The following FBN2 variants were observed in gnomAD, a reference collection of about 807,000 sequenced individuals.
The protein encoded by FBN2 is fibrillin 2.
A neutral mutation model predicts 355.6 loss-of-function variants in FBN2; 105 were observed. The observed-to-expected ratio is 0.30, with a 90% CI of 0.25 to 0.35. The LOEUF is 0.35. FBN2 is among the 10% of genes least tolerant of loss of function. The pLI, the probability that FBN2 is intolerant of heterozygous loss-of-function variation, is 1.00. For synonymous variants in FBN2, 1,350 were observed against 1,301.2 expected (o/e 1.04, Z -0.81); for missense variants, 3,280 against 3,758.7 (o/e 0.87, Z 3.33).
intron 8 of FBN2, among the ~76,000 whole-genome samples, chr5:128,398,743 G>A (rs1295969267): frequency 6.6e-6 from 1 of 152,178 alleles, no homozygotes; most frequent in African/African-American, 2.4e-5. Flanking sequence ...ATCTCATCGT[G>A]AATTCCCACA....
At chr5:128,440,957 G>C (rs1434754348) in intron 7 of FBN2, among the ~76,000 whole-genome samples, 1 of 152,150 alleles carries the variant, frequency 6.6e-6, no homozygotes. Flanking sequence ...TGCTTAAATT[G>C]GTCAATCTGG....
In FBN2 at chr5:128,532,043, G is replaced by A. The variant is rs189552860; in HGVS notation, c.338-1350C>T. Among the ~76,000 whole-genome samples, 191 of 152,262 alleles carry A rather than the reference G, an allele frequency of 1.3e-3. 1 individual carries two copies. Among genetic ancestry groups the A allele is most frequent in the Non-Finnish European group, 1.9e-3 (128 of 68,018 alleles). On this transcript the variant is annotated intron_variant, in intron 2 of 64. Transcript: ENST00000262464. The stretch of plus-strand genomic sequence containing the variant: ...AGAAAATACAGCCCACTATGCAAAA[G>A]CCTTCACAGGAGACAGACAACATGA...
At chr5:128,447,828 C>T (rs942195481) in intron 6 of FBN2, among the ~76,000 whole-genome samples, 1 of 152,196 alleles carries the variant, frequency 6.6e-6, no homozygotes, top group Non-Finnish European at 1.5e-5. Context: ...CTCTTTTGTA[C>T]TCTTTCCCTT....
chr5:128,436,214 T>C (rs535643190), intron 7 of FBN2, among the ~76,000 whole-genome samples: 25 of 152,300 alleles, frequency 1.6e-4, no homozygotes, highest in African/African-American at 4.3e-4. Flanking sequence ...GCCTCGTATG[T>C]CAGCTCTGAG....
intron 6 of FBN2, among the ~76,000 whole-genome samples, chr5:128,459,672 T>C (rs1405902881): frequency 1.3e-5 from 2 of 152,150 alleles, no homozygotes; most frequent in African/African-American, 4.8e-5. Flanking sequence ...CACAAATCAA[T>C]AAACGTAATC....
At chr5:128,360,860 A>T (rs1040835834) in intron 19 of FBN2, among the ~76,000 whole-genome samples, 4 of 152,128 alleles carry the variant, frequency 2.6e-5, no homozygotes, top group African/African-American at 9.6e-5. Context: ...GCTATTCCAC[A>T]GTCATCAAAG....
chr5:128,370,077 G>T (rs757119739), intron 15 of FBN2, among the ~76,000 whole-genome samples: 22 of 152,074 alleles, frequency 1.4e-4, no homozygotes, highest in Non-Finnish European at 4.4e-5. Flanking sequence ...TTCAGACAAG[G>T]TTTATGTGAC....
chr5:128,450,931 T>A (rs1754221744), intron 6 of FBN2, among the ~76,000 whole-genome samples: 1 of 152,110 alleles, frequency 6.6e-6, no homozygotes. Context: ...AAATAGAAAA[T>A]TAAAGAAATA....
chr5:128,434,587 CCTCT>C (rs143527483), intron 7 of FBN2, among the ~76,000 whole-genome samples: 21 of 147,338 alleles, frequency 1.4e-4, no homozygotes, highest in Non-Finnish European at 2.6e-4. Context: ...AGAAAGGTTC[CCTCT>C]CTCTCTCTCT....
intron 6 of FBN2, among the ~76,000 whole-genome samples, chr5:128,447,341 A>C (rs1465464374): frequency 6.6e-6 from 1 of 152,152 alleles, no homozygotes; most frequent in Non-Finnish European, 1.5e-5. Context: ...CTCAGCAAGA[A>C]ACAGCCCTGA....
rs971452964 is a variant in FBN2, at chr5:128,286,236, T to A, written c.7012+482A>T. Among the ~76,000 whole-genome samples the A allele has an allele frequency of 2.6e-5, 4 of 152,190 alleles. No individual in the cohort carries two copies. In the East Asian group the frequency reaches 7.7e-4, roughly 29 times the overall value. The stretch of plus-strand genomic sequence containing the variant: ...AAGAAACTAAAAAATCCAATTATAA[T>A]TTGTTGTATATATAATTTTTTATAT... On this transcript the variant is annotated intron_variant, in intron 55 of 64. Transcript: ENST00000262464.
At position 128,259,697 on chromosome 5, in the gene FBN2, G is replaced by A. The variant is rs863223592; in HGVS notation, c.8497C>T (p.Arg2833Cys). ...PAIQPLNNHIRYVISQGNDDS... is the reference protein window; with the variant it reads ...PAIQPLNNHICYVISQGNDDS... ...TCGTTCCCTTGAGAGATGACATAAC[G>A]GATGTGGTTGTTGAGGGGCTGGATG... Residue 2833 changes from arginine to cysteine, a missense_variant, in exon 65 of 65, where the codon CGT becomes TGT. Physicochemically the swap from Arg to Cys is radical, Grantham distance 180. Coordinates refer to ENST00000262464, the MANE Select transcript of FBN2 (RefSeq NM_001999.4). 25 of 1,613,844 alleles carry A rather than the reference G, an allele frequency of 1.5e-5. No homozygotes were observed. Among genetic ancestry groups the A allele is most frequent in the South Asian group, 5.5e-5 (5 of 91,074 alleles).
At position 128,318,255 on chromosome 5, in the gene FBN2, T is replaced by G; in HGVS notation, c.4611A>C (p.Ala1537=). ...GGCCATTGACACAGTTTATAGGATC[T>G]GCACACTCATCAATATCTAGGAGAA... ...GGNCTDIDEC[A]DPINCVNGLC... is the part of the protein sequence containing the mutation. The change falls in exon 36 of 65, where the codon GCA becomes GCC. Residue 1537 remains alanine (A), a synonymous_variant. Transcript: ENST00000262464. 6.2e-7 allele frequency: 1 copy of G among 1,614,122 alleles called. No individual in the cohort carries two copies. Among genetic ancestry groups the G allele is most frequent in the Non-Finnish European group, 8.5e-7 (1 of 1,179,962 alleles).
At position 128,368,445 on chromosome 5, in the gene FBN2, CATATATATACACAT is replaced by C. The variant is rs1164851612; in HGVS notation, c.2248+723_2248+736del. On this transcript the variant is annotated intron_variant, in intron 16 of 64. Transcript: ENST00000262464. ...GTATATATATATATACACATATATA[CATATATATACACAT>C]ATATATACATATATATACATATATA... Among the ~76,000 whole-genome samples, 147 of 118,970 alleles carry C rather than the reference CATATATATACACAT, an allele frequency of 1.2e-3. 1 individual carries two copies. The highest frequency in any genetic ancestry group is 4.9e-3 in the African/African-American group (143 of 29,320). 78.0% of individuals were successfully genotyped at this position (118,970 alleles called of 152,430 possible).
At chr5:128,426,625 A>G (rs1470584600) in intron 7 of FBN2, among the ~76,000 whole-genome samples, 2 of 152,180 alleles carry the variant, frequency 1.3e-5, no homozygotes, top group Admixed American at 1.3e-4. Context: ...TAACAAATCT[A>G]ACAGTCTAAT....
intron 55 of FBN2, among the ~76,000 whole-genome samples, chr5:128,283,127 C>G (rs1260275950): frequency 6.6e-6 from 1 of 152,212 alleles, no homozygotes; most frequent in Admixed American, 6.5e-5. Flanking sequence ...AAGGCCAGCT[C>G]TTGCACCGGT....
In FBN2 at chr5:128,374,681, C is replaced by A. The variant is rs548605398; in HGVS notation, c.2042G>T (p.Arg681Leu). 5.0e-6 allele frequency: 8 copies of A among 1,613,802 alleles called. No homozygotes were observed. In the South Asian group the frequency reaches 7.7e-5, roughly 16 times the overall value. The stretch of plus-strand genomic sequence containing the variant: ...AGCCAGGCCTGGGGGACAGTCACAG[C>A]GGAAGGACCCTTCACTGTTGATGCA... ...GHCINSEGSF[R>L]CDCPPGLAVG... Residue 681 changes from arginine to leucine, a missense_variant, in exon 15 of 65, where the codon CGC becomes CTC. Physicochemically the swap from Arg to Leu is moderately radical, Grantham distance 102 (BLOSUM62 -2). This residue lies in a region of FBN2 where 2,284 missense variants were observed against 2,749.5 expected (regional missense o/e 0.83). Transcript: ENST00000262464.
rs1752992574 is a variant in FBN2, at chr5:128,408,704, C to T, written c.1048G>A (p.Val350Ile). 2 of 1,614,054 alleles carry T rather than the reference C, an allele frequency of 1.2e-6. No individual in the cohort carries two copies. The highest frequency in any genetic ancestry group is 1.1e-5 in the South Asian group (1 of 91,080). The change falls in exon 8 of 65, where the codon GTA becomes ATA. Residue 350 changes from valine to isoleucine, a missense_variant. Around this residue, in one of 6 missense-constraint regions of FBN2, gnomAD observed 343 missense variants for 331.0 expected, o/e 1.04. Coordinates refer to ENST00000262464, the MANE Select transcript of FBN2 (RefSeq NM_001999.4). The stretch of plus-strand genomic sequence containing the variant: ...CATCGAGAGCCATCTGTTGAGGTTA[C>T]ATATCCACGTGGACAAACACAAAAA... Reference protein sequence around the residue: ...SYFCVCPRGYVTSTDGSRCID... With the variant: ...SYFCVCPRGYITSTDGSRCID...
chr5:128,521,690 T>C (rs1422947176), intron 4 of FBN2, among the ~76,000 whole-genome samples: 1 of 152,228 alleles, frequency 6.6e-6, no homozygotes, highest in Non-Finnish European at 1.5e-5. Flanking sequence ...CCATGTGTTC[T>C]CTTATCACAA....
Sources: allele counts gnomAD v4.1 joint callset (sites outside exome capture counted in the v4.1 genomes callset), GRCh38; gene constraint gnomAD v4.1.1; regional missense constraint gnomAD v4.1.1; transcripts MANE v1.5; gene names NCBI Gene and HGNC (gene_info 2026-07-23, HGNC 2026-07-21).